Variants in CDKN2B-AS1 observed in about 807,000 individuals in gnomAD.
CDKN2B-AS1 encodes the protein CDKN2B and CDKN2A antisense cis and trans regulatory RNA 1, also known as CDKN2B antisense RNA 1 (non-protein coding).
intron 4 of CDKN2B-AS1, among the ~76,000 whole-genome samples, chr9:22,102,932 A>G (rs1457970607): frequency 6.6e-6 from 1 of 152,130 alleles, no homozygotes; most frequent in East Asian, 1.9e-4. Flanking sequence ...ATTATAGACT[A>G]TTAAGGTGGA....
intron 1 of CDKN2B-AS1, among the ~76,000 whole-genome samples, chr9:21,998,786 A>AACT (rs1820797645): frequency 6.6e-6 from 1 of 152,200 alleles, no homozygotes; most frequent in Admixed American, 6.5e-5. Flanking sequence ...TCCCTTAGGT[A>AACT]ACTCTTGATT....
intron 4 of CDKN2B-AS1, among the ~76,000 whole-genome samples, chr9:22,110,624 A>G (rs545942855): frequency 2.0e-5 from 3 of 152,096 alleles, no homozygotes; most frequent in Non-Finnish European, 2.9e-5. Context: ...TACTATGATT[A>G]TTTTTTGTGT....
rs900650571 is a variant in CDKN2B-AS1, at chr9:22,001,889, C to T, written n.29+6728C>T. Reference sequence around the variant, plus strand: ...TGTGGGAATCTAGGTCTTCTATCTTCCAGTCAAGTCCTTGTTTCACTTTTC... The same window carrying T: ...TGTGGGAATCTAGGTCTTCTATCTTTCAGTCAAGTCCTTGTTTCACTTTTC... On this transcript the variant is annotated intron_variant and non_coding_transcript_variant, in intron 1 of 4. Coordinates refer to ENST00000650946, the Ensembl canonical transcript of CDKN2B-AS1. The surrounding 1 kb of genome is among the most constrained non-coding windows in gnomAD (Gnocchi z 4.2). 6.6e-6 allele frequency among the ~76,000 whole-genome samples: 1 copy of T among 152,096 alleles called. No individual in the cohort carries two copies. The highest frequency in any genetic ancestry group is 1.5e-5 in the Non-Finnish European group (1 of 67,952).
At chr9:22,038,799 C>T (rs1178058669) in intron 1 of CDKN2B-AS1, among the ~76,000 whole-genome samples, 1 of 151,968 alleles carries the variant, frequency 6.6e-6, no homozygotes, top group East Asian at 1.9e-4. Flanking sequence ...ACAAAGTATG[C>T]ATATGTATTC....
At chr9:22,090,413 A>G (rs1490891489) in intron 4 of CDKN2B-AS1, among the ~76,000 whole-genome samples, 1 of 152,210 alleles carries the variant, frequency 6.6e-6, no homozygotes, top group East Asian at 1.9e-4. Context: ...ACTGACTTCC[A>G]CAACGGTTGA....
intron 4 of CDKN2B-AS1, among the ~76,000 whole-genome samples, chr9:22,060,193 A>G (rs1274785635): frequency 6.6e-6 from 1 of 152,216 alleles, no homozygotes; most frequent in Non-Finnish European, 1.5e-5. Context: ...TTGCATAGTC[A>G]GGCTGCAAAT....
intron 4 of CDKN2B-AS1, among the ~76,000 whole-genome samples, chr9:22,067,980 A>C (rs1206826932): frequency 6.6e-6 from 1 of 152,042 alleles, no homozygotes; most frequent in Non-Finnish European, 1.5e-5. Flanking sequence ...TTGTTTTCTG[A>C]CTCAAGATAA....
intron 1 of CDKN2B-AS1, among the ~76,000 whole-genome samples, chr9:22,014,931 G>C (rs904039766): frequency 2.6e-5 from 4 of 151,870 alleles, no homozygotes; most frequent in Non-Finnish European, 5.9e-5. Flanking sequence ...CCCTACAAAG[G>C]ACATGAACTC....
At chr9:22,015,797 T>C (rs545876406) in intron 1 of CDKN2B-AS1, among the ~76,000 whole-genome samples, 1 of 152,354 alleles carries the variant, frequency 6.6e-6, no homozygotes, top group South Asian at 2.1e-4. Flanking sequence ...CTAACTGGTG[T>C]GAGATGGTAT....
intron 1 of CDKN2B-AS1, among the ~76,000 whole-genome samples, chr9:21,998,258 G>A (rs1295552148): frequency 1.3e-5 from 2 of 152,166 alleles, no homozygotes; most frequent in African/African-American, 4.8e-5. Context: ...AATACTTTTG[G>A]AATGCGGAGT....
chr9:22,056,234 A>ATATATATATTT (rs777560826), intron 3 of CDKN2B-AS1: 1 of 98,272 alleles, frequency 1.0e-5, no homozygotes, highest in African/African-American at 4.0e-5. Flanking sequence ...ATATATATAT[A>ATATATATATTT]TTTTTTTTTT....
intron 4 of CDKN2B-AS1, among the ~76,000 whole-genome samples, chr9:22,096,018 A>G (rs746944602): frequency 1.3e-4 from 20 of 152,272 alleles, no homozygotes; most frequent in Middle Eastern, 3.4e-3. Context: ...TATTACAAAA[A>G]GCTTCTCCCC....
intron 4 of CDKN2B-AS1, among the ~76,000 whole-genome samples, chr9:22,078,941 C>A (rs1362528058): frequency 6.6e-6 from 1 of 152,168 alleles, no homozygotes; most frequent in Non-Finnish European, 1.5e-5. Flanking sequence ...ACGGCACTCA[C>A]TTTTACTGAG....
intron 1 of CDKN2B-AS1, among the ~76,000 whole-genome samples, chr9:22,041,073 GC>G (rs2131264183): frequency 6.6e-6 from 1 of 152,006 alleles, no homozygotes; most frequent in South Asian, 2.1e-4. Context: ...ATAACTGCCT[GC>G]AAAAGTAAAA....
At position 22,005,553 on chromosome 9, in the gene CDKN2B-AS1, A is replaced by C; in HGVS notation, n.29+10392A>C. ...GGTTCACCATAACTCCTCAGCAGAC[A>C]TTGGAGTGAACGCATCGACTGCCGT... On this transcript the variant is annotated intron_variant and non_coding_transcript_variant, in intron 1 of 4. Transcript: ENST00000650946. This position sits in a 1 kb window ranked among gnomAD's most constrained non-coding sequence, Gnocchi z 4.9. 2.6e-6 allele frequency: 1 copy of C among 383,888 alleles called. No individual in the cohort carries two copies. The highest frequency in any genetic ancestry group is 4.8e-6 in the Non-Finnish European group (1 of 206,650). The allele number at this position is 383,888 out of a possible 1,614,324, so 23.8% of individuals were successfully genotyped here.
At chr9:22,102,753 A>T (rs1259304825) in intron 4 of CDKN2B-AS1, among the ~76,000 whole-genome samples, 1 of 152,206 alleles carries the variant, frequency 6.6e-6, no homozygotes, top group Non-Finnish European at 1.5e-5. Context: ...TTTTCTGCTA[A>T]GTGAGGGCAT....
intron 1 of CDKN2B-AS1, among the ~76,000 whole-genome samples, chr9:22,022,681 GTTGCT>G (rs1463777836): frequency 4.6e-5 from 7 of 152,080 alleles, no homozygotes; most frequent in Non-Finnish European, 1.0e-4. Context: ...ATGCTAGCTG[GTTGCT>G]TTGCAGACTT....
intron 1 of CDKN2B-AS1, chr9:22,009,082 C>T (rs1269420052): frequency 7.9e-6 from 11 of 1,388,518 alleles, no homozygotes; most frequent in South Asian, 1.2e-5. Context: ...GGCTCAGCTT[C>T]ATTACCCTCC....
At chr9:22,009,336 C>G (rs1466837558) in intron 1 of CDKN2B-AS1, 1 of 400,114 alleles carries the variant, frequency 2.5e-6, no homozygotes, top group South Asian at 2.9e-5. Flanking sequence ...ATTCCGTTTT[C>G]AGCTGGGCCA....
Sources: allele counts gnomAD v4.1 joint callset (sites outside exome capture counted in the v4.1 genomes callset), GRCh38; gene constraint gnomAD v4.1.1; non-coding constraint Gnocchi (gnomAD v3.1); transcripts MANE v1.5; gene names NCBI Gene and HGNC (gene_info 2026-07-23, HGNC 2026-07-21).